ESF1: variants seen among roughly 807,000 people sequenced by gnomAD.
ESF1 encodes the protein ESF1 nucleolar pre-rRNA processing protein, also known as ESF1 homolog.
ESF1 carries 58 observed loss-of-function variants against 92.0 expected under a neutral mutation model. The observed-to-expected ratio is 0.63, with a 90% CI of 0.51 to 0.78. The LOEUF (loss-of-function observed/expected upper bound fraction) is 0.78, where lower values mean the gene tolerates loss of function less well. Ranked by LOEUF, ESF1 falls within the 30% of genes least tolerant of loss-of-function variation. ESF1 has a pLI of 0.00. For missense variants in ESF1, 922 were observed against 989.1 expected (o/e 0.93, Z 0.91); for synonymous variants, 321 against 313.7 (o/e 1.02, Z -0.24).
chr20:13,730,246 G>C (rs2049932347), intron 10 of ESF1, among the ~76,000 whole-genome samples: 1 of 151,514 alleles, frequency 6.6e-6, no homozygotes, highest in Non-Finnish European at 1.5e-5. Flanking sequence ...CTAATTTTTT[G>C]TATTTTTAGT....
At chr20:13,735,622 C>T (rs1440334011) in intron 9 of ESF1, among the ~76,000 whole-genome samples, 1 of 152,106 alleles carries the variant, frequency 6.6e-6, no homozygotes, top group Non-Finnish European at 1.5e-5. Context: ...CATAGGTCAG[C>T]ACACAATCAG....
In ESF1 at chr20:13,714,888, GC is replaced by G. The variant is rs2049812410; in HGVS notation, c.2541del (p.Lys847AsnfsTer48). On this transcript the variant is annotated frameshift_variant, in exon 14 of 14. Coordinates refer to ENST00000617257, the MANE Select transcript of ESF1 (RefSeq NM_001276380.2). LOFTEE classifies it high-confidence loss of function. ...GTAACATCCAGTTATTTGACTTTTT[GC>G]TTTTTTCTTGCTTGAAACTGCTCTG... Reference protein sequence around the residue: ...TKTEQFQARKKQKVK With the variant: ...TKTEQFQARKXQKVK The G allele has an allele frequency of 6.3e-7, 1 of 1,593,874 alleles. No individual in the cohort carries two copies. Among genetic ancestry groups the G allele is most frequent in the African/African-American group, 1.4e-5 (1 of 73,414 alleles).
In ESF1 at chr20:13,732,464, G is replaced by A. The variant is rs190331347; in HGVS notation, c.1950+1257C>T. Among the ~76,000 whole-genome samples, 116 of 152,136 alleles carry A rather than the reference G, an allele frequency of 7.6e-4. 1 individual carries two copies. Among genetic ancestry groups the A allele is most frequent in the African/African-American group, 2.4e-3 (100 of 41,476 alleles). On this transcript the variant is annotated intron_variant, in intron 10 of 13. Transcript: ENST00000617257. ...CATTCAGCTTTGCATCTCTCTACCC[G>A]TCACAGCACTAAAAGTCAAAGCTAT... is the stretch of plus-strand genomic sequence containing the variant.
At chr20:13,759,636 G>T (rs2297050) in intron 9 of ESF1, 56 bp downstream of exon 9, 6 of 1,541,530 alleles carry the variant, frequency 3.9e-6, no homozygotes, top group South Asian at 2.5e-5. Context: ...ATATTTAAAA[G>T]GTACTCAACA....
Position 13,762,854 on chromosome 20 carries a change from GTT to G in ESF1, c.1667-3003_1667-3002del, listed in dbSNP as rs33986564. ...AAACAAAAAGTCATTATTTATTAAAGTTTTTTTTTTTTTTTTTTTTTTTTGAG... is the reference window on the plus strand; with the variant it reads ...AAACAAAAAGTCATTATTTATTAAAGTTTTTTTTTTTTTTTTTTTTTTGAG... On this transcript the variant is annotated intron_variant, in intron 8 of 13. Coordinates refer to ENST00000617257, the MANE Select transcript of ESF1 (RefSeq NM_001276380.2). 9.7e-3 allele frequency: 1,792 copies of G among 185,252 alleles called. 1 individual carries two copies. Among genetic ancestry groups the G allele is most frequent in the South Asian group, 0.014 (314 of 22,280 alleles). The allele number at this position is 185,252 out of a possible 1,614,324, so 11.5% of individuals were successfully genotyped here. A position where few individuals can be genotyped will look rare whatever the true frequency, so the allele number is the denominator to read the frequency against.
chr20:13,744,656 G>A (rs764829029), intron 9 of ESF1, among the ~76,000 whole-genome samples: 7 of 152,172 alleles, frequency 4.6e-5, no homozygotes, highest in Admixed American at 3.3e-4. Flanking sequence ...CCCTCAGGGC[G>A]TTTGCATTTG....
At chr20:13,756,741 GTAAC>G (rs71188185) in intron 9 of ESF1, among the ~76,000 whole-genome samples, 10,540 of 152,228 alleles carry the variant, frequency 0.069, 405 homozygotes, top group Non-Finnish European at 0.087. Context: ...AGGAAGTCAC[GTAAC>G]TAACTAGTGA....
chr20:13,733,240 A>G (rs1284941653), intron 10 of ESF1, among the ~76,000 whole-genome samples: 2 of 152,154 alleles, frequency 1.3e-5, no homozygotes, highest in East Asian at 3.9e-4. Flanking sequence ...AATACTCTTG[A>G]TAAAGGAATT....
At chr20:13,761,387 A>T (rs559095908) in intron 8 of ESF1, among the ~76,000 whole-genome samples, 1 of 149,786 alleles carries the variant, frequency 6.7e-6, no homozygotes. Flanking sequence ...TTAAAAAAAA[A>T]TAAATAAAAT....
At position 13,759,855 on chromosome 20, in the gene ESF1, TAATG is replaced by T; in HGVS notation, c.1667-6_1667-3del. On this transcript the variant is annotated splice_polypyrimidine_tract_variant and splice_region_variant and intron_variant, in intron 8 of 13. Coordinates refer to ENST00000617257, the MANE Select transcript of ESF1 (RefSeq NM_001276380.2). Reference sequence around the variant, plus strand: ...CTTCTACATTGACTCCATCATCACCTAATGAAAAAAAAATTCACTTAATACACAG... The same window carrying T: ...CTTCTACATTGACTCCATCATCACCTAAAAAAAAATTCACTTAATACACAG... 6.3e-7 allele frequency: 1 copy of T among 1,580,848 alleles called. No individual in the cohort carries two copies. Among genetic ancestry groups the T allele is most frequent in the Non-Finnish European group, 8.5e-7 (1 of 1,170,594 alleles).
chr20:13,754,963 C>T (rs1038243278), intron 9 of ESF1, among the ~76,000 whole-genome samples: 1 of 152,212 alleles, frequency 6.6e-6, no homozygotes, highest in Admixed American at 6.5e-5. Context: ...ATGCTACTTC[C>T]TCTGCTCACA....
Position 13,738,284 on chromosome 20 carries a change from T to C in ESF1, c.1829-4442A>G, listed in dbSNP as rs559329837. ...CTTGGTTCAGGATCTTACAATTTCTTGTATGAACTTCTGTAAATCCCTCTC... is the reference window on the plus strand; with the variant it reads ...CTTGGTTCAGGATCTTACAATTTCTCGTATGAACTTCTGTAAATCCCTCTC... On this transcript the variant is annotated intron_variant, in intron 9 of 13. Transcript: ENST00000617257. 1.0e-3 allele frequency among the ~76,000 whole-genome samples: 153 copies of C among 151,942 alleles called. 3 individuals are homozygous for C. The South Asian group carries it at 0.031, about 31-fold the overall frequency.
At chr20:13,760,557 G>C (rs567376051) in intron 8 of ESF1, among the ~76,000 whole-genome samples, 1 of 148,604 alleles carries the variant, frequency 6.7e-6, no homozygotes, top group East Asian at 2.0e-4. Context: ...CCCTCCGCCC[G>C]GCAGCCGCCC....
intron 1 of ESF1, among the ~76,000 whole-genome samples, chr20:13,783,638 T>C (rs1178526811): frequency 6.6e-6 from 1 of 152,152 alleles, no homozygotes; most frequent in Non-Finnish European, 1.5e-5. Context: ...CTGGGTAACA[T>C]GGTGAATCCC....
intron 10 of ESF1, among the ~76,000 whole-genome samples, chr20:13,729,125 G>A (rs555468201): frequency 6.6e-6 from 1 of 152,216 alleles, no homozygotes; most frequent in African/African-American, 2.4e-5. Flanking sequence ...CAGGCATGGT[G>A]GTGGGCACCT....
At chr20:13,772,336 C>T (rs1421102944) in intron 5 of ESF1, among the ~76,000 whole-genome samples, 179 bp downstream of exon 5, 1 of 152,012 alleles carries the variant, frequency 6.6e-6, no homozygotes, top group African/African-American at 2.4e-5. Context: ...TATACACGAA[C>T]AAAAATCTTC....
rs1274212917 is a variant in ESF1, at chr20:13,716,642, C to CTT, written c.2262+724_2262+725dup. On this transcript the variant is annotated intron_variant, in intron 13 of 13. Coordinates refer to ENST00000617257, the MANE Select transcript of ESF1 (RefSeq NM_001276380.2). ...TTCTGAAGACATTTTCTTTTTTTTT[C>CTT]TTTTTTTTTTTTTTTTGAGACAGGG... is the stretch of plus-strand genomic sequence containing the variant. Among the ~76,000 whole-genome samples the CTT allele has an allele frequency of 6.9e-4, 92 of 132,896 alleles. 1 individual carries two copies. Among genetic ancestry groups the CTT allele is most frequent in the African/African-American group, 2.1e-3 (76 of 35,982 alleles). 87.2% of individuals were successfully genotyped at this position (132,896 alleles called of 152,430 possible). A position where few individuals can be genotyped will look rare whatever the true frequency, so the allele number is the denominator to read the frequency against.
intron 9 of ESF1, among the ~76,000 whole-genome samples, chr20:13,742,450 AAC>A (rs770575400): frequency 6.6e-6 from 1 of 152,014 alleles, no homozygotes; most frequent in Non-Finnish European, 1.5e-5. Context: ...CAGCCTGGGC[AAC>A]AGAGTGAGAC....
chr20:13,759,788 GTTC>G lies in ESF1; in HGVS notation c.1729_1731del (p.Glu577del). On this transcript the variant is annotated inframe_deletion, in exon 9 of 14. Transcript: ENST00000617257. Reference sequence around the variant, plus strand: ...AAGAGCTGCCTGTATTTAGCAATTTGTTCTTCATCATCCTTCTGACTTTTCTTT... The same window carrying G: ...AAGAGCTGCCTGTATTTAGCAATTTGTTCATCATCCTTCTGACTTTTCTTT... 4 of 1,589,078 alleles carry G rather than the reference GTTC, an allele frequency of 2.5e-6. No individual in the cohort carries two copies. The highest frequency in any genetic ancestry group is 3.4e-6 in the Non-Finnish European group (4 of 1,172,522).
Sources: allele counts gnomAD v4.1 joint callset (sites outside exome capture counted in the v4.1 genomes callset), GRCh38; gene constraint gnomAD v4.1.1; transcripts MANE v1.5; gene names NCBI Gene and HGNC (gene_info 2026-07-23, HGNC 2026-07-21).